Variants in SOX6 observed in about 807,000 individuals in gnomAD.
The protein encoded by SOX6 is SRY-box transcription factor 6, also known as transcription factor SOX-6.
SOX6 carries 11 observed loss-of-function variants against 97.8 expected under a neutral mutation model. The ratio of observed to expected loss-of-function variants is 0.11; its 90% CI spans 0.07 to 0.19. The LOEUF is 0.19. SOX6 is among the 10% of genes least tolerant of loss of function. The probability of loss-of-function intolerance (pLI) is 1.00; values close to 1 mark genes in which losing one functional copy is unlikely to be tolerated. For missense variants in SOX6, 810 were observed against 1,039.5 expected (o/e 0.78, Z 3.04); for synonymous variants, 360 against 371.4 (o/e 0.97, Z 0.35).
chr11:16,675,583 C>A (rs774434134), intron 3 of SOX6, among the ~76,000 whole-genome samples: 2 of 152,168 alleles, frequency 1.3e-5, no homozygotes, highest in Non-Finnish European at 2.9e-5. Context: ...AAGTTATTGT[C>A]TAATGTCCCT....
chr11:16,311,189 C>T (rs1855590929), intron 3 of SOX6: 1 of 152,098 alleles, frequency 6.6e-6, no homozygotes, highest in Admixed American at 6.6e-5. Flanking sequence ...CCCTTAACAC[C>T]ATGGGACATT....
At chr11:16,234,462 G>T (rs1852955140) in intron 4 of SOX6, 120 bp downstream of exon 4, 2 of 648,502 alleles carry the variant, frequency 3.1e-6, no homozygotes, top group Non-Finnish European at 5.5e-6. Flanking sequence ...ACCCTCTCAT[G>T]TACAATCAAA....
chr11:16,650,957 C>G (rs372716790), intron 3 of SOX6, among the ~76,000 whole-genome samples: 17 of 152,080 alleles, frequency 1.1e-4, no homozygotes, highest in African/African-American at 3.4e-4. Context: ...CAACCAATAT[C>G]AAAGAAATGC....
chr11:16,525,785 A>C (rs1332608615), intron 4 of SOX6, among the ~76,000 whole-genome samples: 1 of 152,164 alleles, frequency 6.6e-6, no homozygotes, highest in Non-Finnish European at 1.5e-5. Flanking sequence ...CAAATTTACA[A>C]GAAAAAAACA....
At chr11:16,242,433 C>T (rs1377692122) in intron 3 of SOX6, among the ~76,000 whole-genome samples, 1 of 151,910 alleles carries the variant, frequency 6.6e-6, no homozygotes, top group East Asian at 1.9e-4. Flanking sequence ...ATGCATTTCT[C>T]TGAATGTATC....
intron 4 of SOX6, among the ~76,000 whole-genome samples, chr11:16,226,283 A>G (rs1311900309): frequency 6.6e-6 from 1 of 151,102 alleles, no homozygotes. Flanking sequence ...AGAAAACACG[A>G]TTTTCCTTAT....
chr11:16,285,611 C>G (rs1298209974), intron 3 of SOX6, among the ~76,000 whole-genome samples: 1 of 151,950 alleles, frequency 6.6e-6, no homozygotes, highest in Non-Finnish European at 1.5e-5. Flanking sequence ...TTTCAACATG[C>G]CAGTGACTGT....
At chr11:16,034,709 G>A (rs544305338) in intron 12 of SOX6, among the ~76,000 whole-genome samples, 1 of 152,238 alleles carries the variant, frequency 6.6e-6, no homozygotes, top group Admixed American at 6.5e-5. Context: ...GACTTATACA[G>A]ACAACACACA....
chr11:16,177,474 G>A (rs1325970682), intron 6 of SOX6, among the ~76,000 whole-genome samples: 1 of 151,784 alleles, frequency 6.6e-6, no homozygotes, highest in African/African-American at 2.4e-5. Flanking sequence ...ACTTCAAAAG[G>A]AAACTTCATA....
intron 9 of SOX6, among the ~76,000 whole-genome samples, chr11:16,075,397 G>A (rs1848331184): frequency 6.6e-6 from 1 of 152,032 alleles, no homozygotes; most frequent in South Asian, 2.1e-4. Flanking sequence ...GCAAAGACTT[G>A]GAACCAACCC....
chr11:16,423,714 G>C (rs184298673), intron 1 of SOX6, among the ~76,000 whole-genome samples: 1 of 152,198 alleles, frequency 6.6e-6, no homozygotes, highest in Admixed American at 6.5e-5. Context: ...TAAAAATATA[G>C]AGTTAAACAG....
intron 3 of SOX6, among the ~76,000 whole-genome samples, chr11:16,664,225 C>T (rs1207296429): frequency 6.6e-6 from 1 of 152,158 alleles, no homozygotes; most frequent in Non-Finnish European, 1.5e-5. Flanking sequence ...TCATAAGAAC[C>T]AAAAATCAGA....
intron 7 of SOX6, among the ~76,000 whole-genome samples, chr11:16,104,660 A>G (rs551935744): frequency 1.3e-5 from 2 of 152,000 alleles, no homozygotes; most frequent in East Asian, 3.9e-4. Flanking sequence ...ACACACACAC[A>G]CACATACACA....
At chr11:16,415,696 C>T (rs773393173) in intron 1 of SOX6, among the ~76,000 whole-genome samples, 50 of 152,038 alleles carry the variant, frequency 3.3e-4, no homozygotes, top group Non-Finnish European at 5.1e-4. Flanking sequence ...ATTATTATGT[C>T]TTAATTAAAA....
chr11:16,123,345 G>C (rs930551799), intron 6 of SOX6, among the ~76,000 whole-genome samples: 2 of 152,026 alleles, frequency 1.3e-5, no homozygotes, highest in African/African-American at 4.8e-5. Flanking sequence ...GAAACATAGT[G>C]TGGCAACTCT....
chr11:16,628,990 C>A (rs546162173), intron 3 of SOX6, among the ~76,000 whole-genome samples: 1 of 152,152 alleles, frequency 6.6e-6, no homozygotes, highest in Non-Finnish European at 1.5e-5. Flanking sequence ...GTTCCAAGAG[C>A]CTTTTGCCAG....
At chr11:16,616,799 T>C (rs1019531996) in intron 3 of SOX6, among the ~76,000 whole-genome samples, 1 of 151,918 alleles carries the variant, frequency 6.6e-6, no homozygotes, top group Admixed American at 6.6e-5. Context: ...CAACAAATTG[T>C]ATACATTTCT....
intron 4 of SOX6, among the ~76,000 whole-genome samples, chr11:16,538,720 G>T (rs183626192): frequency 1.3e-5 from 2 of 152,104 alleles, no homozygotes; most frequent in East Asian, 3.8e-4. Flanking sequence ...GATCAAAAGA[G>T]ACAAAGAAGA....
rs1360336353 is a variant in SOX6, at chr11:16,186,765, G to A, written c.708+18C>T. On this transcript the variant is annotated intron_variant, in intron 5 of 15. Coordinates refer to ENST00000683767, the MANE Select transcript of SOX6 (RefSeq NM_001367873.1). ...CATTCCACATCTCCAGTTCGTCAGT[G>A]CCTTTTGCAGGGCTCACCTGTTCTT... 1 of 1,611,990 alleles carries A rather than the reference G, an allele frequency of 6.2e-7. No homozygotes were observed. The highest frequency in any genetic ancestry group is 2.2e-5 in the East Asian group (1 of 44,866).
Sources: allele counts gnomAD v4.1 joint callset (sites outside exome capture counted in the v4.1 genomes callset), GRCh38; gene constraint gnomAD v4.1.1; transcripts MANE v1.5; gene names NCBI Gene and HGNC (gene_info 2026-07-23, HGNC 2026-07-21).